Variants in XPO6 observed in about 807,000 individuals in gnomAD.
The protein encoded by XPO6 is exportin-6.
XPO6 carries 3 observed loss-of-function variants against 130.0 expected under a neutral mutation model. The observed-to-expected ratio is 0.02, with a 90% CI of 0.01 to 0.06. The LOEUF (loss-of-function observed/expected upper bound fraction) is 0.06, where lower values mean the gene tolerates loss of function less well. Ranked by LOEUF, XPO6 falls within the 10% of genes least tolerant of loss-of-function variation. XPO6 has a pLI of 1.00. For synonymous variants in XPO6, 524 were observed against 548.9 expected (o/e 0.95, Z 0.63); for missense variants, 970 against 1,393.0 (o/e 0.70, Z 4.83).
Position 28,173,375 on chromosome 16 carries a change from C to G in XPO6, c.405+2523G>C, listed in dbSNP as rs1311168083. ...CACAACTGGAAAGGATTTCAAAGAT[C>G]ACTTAGTCCAACCCTCTCATTTTAC... On this transcript the variant is annotated intron_variant, in intron 4 of 23. Transcript: ENST00000304658. Among the ~76,000 whole-genome samples the G allele has an allele frequency of 2.6e-5, 4 of 152,158 alleles. No individual in the cohort carries two copies. The East Asian group carries it at 7.7e-4, about 29-fold the overall frequency.
At chr16:28,138,554 A>G (rs1220614122) in intron 9 of XPO6, among the ~76,000 whole-genome samples, 1 of 152,114 alleles carries the variant, frequency 6.6e-6, no homozygotes, top group Non-Finnish European at 1.5e-5. Context: ...GTCATGTGGG[A>G]GGTGGAGAAA....
intron 18 of XPO6, among the ~76,000 whole-genome samples, chr16:28,107,296 G>A (rs1056975165): frequency 2.0e-5 from 3 of 152,216 alleles, no homozygotes; most frequent in Admixed American, 6.5e-5. Context: ...GCCTTCTCTT[G>A]TAGGTGCCAA....
At chr16:28,149,695 T>C (rs747928254) in intron 8 of XPO6, among the ~76,000 whole-genome samples, 21 of 152,166 alleles carry the variant, frequency 1.4e-4, no homozygotes, top group Non-Finnish European at 2.6e-4. Flanking sequence ...CCATCTAGGC[T>C]TGCGTAAGTG....
rs987685383 is a variant in XPO6 at position 28,181,089 on chromosome 16, C to T, written c.4-58G>A. ...CTGCATCTTCAGTTCCACTGTTCCT[C>T]AGTTCCTTCTAGGTCACATTCAACA... On this transcript the variant is annotated intron_variant, in intron 1 of 23. Coordinates refer to ENST00000304658, the MANE Select transcript of XPO6 (RefSeq NM_015171.4). 2.9e-6 allele frequency: 4 copies of T among 1,360,898 alleles called. No individual in the cohort carries two copies. In the African/African-American group the frequency reaches 5.8e-5, roughly 20 times the overall value. The allele number at this position is 1,360,898 out of a possible 1,614,324, so 84.3% of individuals were successfully genotyped here.
rs975577216 is a variant in XPO6 at position 28,167,293 on chromosome 16, T to C, written c.566-708A>G. The C allele has an allele frequency of 8.1e-6, 8 of 985,278 alleles. No individual in the cohort carries two copies. The African/African-American group carries it at 1.4e-4, about 17-fold the overall frequency. 61.0% of individuals were successfully genotyped at this position (985,278 alleles called of 1,614,324 possible). On this transcript the variant is annotated intron_variant, in intron 5 of 23. Transcript: ENST00000304658. The stretch of plus-strand genomic sequence containing the variant: ...TACGTGCATATCCCAAACTCAACTT[T>C]TCGTTCCCCACAAACCTGCCACCAA...
At chr16:28,189,500 G>C (rs543960634) in intron 1 of XPO6, among the ~76,000 whole-genome samples, 1 of 151,972 alleles carries the variant, frequency 6.6e-6, no homozygotes, top group Non-Finnish European at 1.5e-5. Context: ...ACTGTGATAG[G>C]ACAGCGTAAG....
intron 13 of XPO6, among the ~76,000 whole-genome samples, chr16:28,124,678 G>A (rs779434790): frequency 3.3e-5 from 5 of 152,202 alleles, no homozygotes; most frequent in Non-Finnish European, 7.3e-5. Flanking sequence ...TCAAAGTACA[G>A]AACAAAATGA....
At chr16:28,135,860 T>C (rs2141291600) in intron 9 of XPO6, among the ~76,000 whole-genome samples, 1 of 152,366 alleles carries the variant, frequency 6.6e-6, no homozygotes, top group East Asian at 1.9e-4. Flanking sequence ...ATTTATTTTC[T>C]ATGACTTATG....
In XPO6 at chr16:28,106,503, G is replaced by C. The variant is rs572520316; in HGVS notation, c.2498-6C>G. ...CAGCATCTCATCAGTCACATCTGAGGAAAGGGGCAGAGATATCGTCAGAGG... is the reference window on the plus strand; with the variant it reads ...CAGCATCTCATCAGTCACATCTGAGCAAAGGGGCAGAGATATCGTCAGAGG... On this transcript the variant is annotated splice_polypyrimidine_tract_variant and splice_region_variant and intron_variant, in intron 18 of 23. Coordinates refer to ENST00000304658, the MANE Select transcript of XPO6 (RefSeq NM_015171.4). This position sits in a 1 kb window ranked among gnomAD's most constrained non-coding sequence, Gnocchi z 4.2. The C allele has an allele frequency of 3.5e-5, 57 of 1,610,926 alleles. 1 individual carries two copies. The South Asian group carries it at 6.2e-4, about 17-fold the overall frequency.
chr16:28,133,710 A>T, intron 11 of XPO6, 131 bp downstream of exon 11: 1 of 784,054 alleles, frequency 1.3e-6, no homozygotes, highest in Non-Finnish European at 2.0e-6. Context: ...CACTTATGGT[A>T]ATTATTCTGT....
At chr16:28,144,658 G>T (rs2042952033) in intron 9 of XPO6, among the ~76,000 whole-genome samples, 1 of 152,212 alleles carries the variant, frequency 6.6e-6, no homozygotes, top group African/African-American at 2.4e-5. Flanking sequence ...CTCTGCAGTG[G>T]AGTCTCTCCT....
chr16:28,104,160 G>A (rs975842222), intron 21 of XPO6, among the ~76,000 whole-genome samples: 1 of 152,196 alleles, frequency 6.6e-6, no homozygotes, highest in African/African-American at 2.4e-5. Context: ...GAATCACAGT[G>A]CAGGTCTGGG....
intron 23 of XPO6, among the ~76,000 whole-genome samples, chr16:28,100,643 C>G (rs1024363990): frequency 8.5e-5 from 13 of 152,214 alleles, no homozygotes; most frequent in Middle Eastern, 3.2e-3. Flanking sequence ...CCCAAGAGGA[C>G]CAGGGAGAAA....
Position 28,132,689 on chromosome 16 carries a change from G to A in XPO6, c.1537-286C>T, listed in dbSNP as rs1246811946. Among the ~76,000 whole-genome samples the A allele has an allele frequency of 6.7e-6, 1 of 149,784 alleles. No homozygotes were observed. Among genetic ancestry groups the A allele is most frequent in the African/African-American group, 2.5e-5 (1 of 40,588 alleles). On this transcript the variant is annotated intron_variant, in intron 11 of 23. Transcript: ENST00000304658. The surrounding 1 kb of genome is among the most constrained non-coding windows in gnomAD (Gnocchi z 4.0). ...AAAAAAGCAAAGGACACTGTGGTAT[G>A]ACTCTTACGTTCCTAATAGAGGAGA...
rs774608081 is a variant in XPO6 at position 28,169,827 on chromosome 16, T to G, written c.488A>C (p.Asp163Ala). The change falls in exon 5 of 24, where the codon GAC becomes GCC. Residue 163 changes from aspartate (D) to alanine (A), a missense_variant. By Grantham distance (126) the Asp-to-Ala change is moderately radical. Coordinates refer to ENST00000304658, the MANE Select transcript of XPO6 (RefSeq NM_015171.4). ...CTCCTCCTTCCGAGCCACACTGAGG[T>G]CCTCACGGGGACAAGCCAGCTCTTC... is the stretch of plus-strand genomic sequence containing the variant. The part of the protein sequence containing the change: ...TSEELACPRE[D>A]LSVARKEELR... 4 of 1,614,030 alleles carry G rather than the reference T, an allele frequency of 2.5e-6. No homozygotes were observed. In the East Asian group the frequency reaches 8.9e-5, roughly 36 times the overall value.
At chr16:28,165,921 T>A (rs1489574917) in intron 6 of XPO6, among the ~76,000 whole-genome samples, 2 of 152,198 alleles carry the variant, frequency 1.3e-5, no homozygotes, top group African/African-American at 2.4e-5. Flanking sequence ...CACTCTGAAT[T>A]TTGAAGCAGA....
intron 12 of XPO6, chr16:28,126,496 T>C (rs1369003958): frequency 6.6e-6 from 1 of 152,280 alleles, no homozygotes; most frequent in Non-Finnish European, 1.5e-5. Context: ...AGCCTCAGTA[T>C]CACTATTACA....
At chr16:28,098,791 CAG>C (rs771371460) in intron 23 of XPO6, 152 bp from the exon 24 acceptor site, 3 of 555,190 alleles carry the variant, frequency 5.4e-6, no homozygotes, top group Non-Finnish European at 9.5e-6. Flanking sequence ...CTGCGTGTCA[CAG>C]AGACTCTGTG....
intron 23 of XPO6, among the ~76,000 whole-genome samples, chr16:28,100,339 T>C (rs1459991606): frequency 2.6e-5 from 4 of 152,188 alleles, no homozygotes; most frequent in Non-Finnish European, 4.4e-5. Flanking sequence ...TTGACTGATA[T>C]TGATGTCGTT....
Sources: gnomAD v4.1 joint callset for allele counts (sites outside exome capture counted in the v4.1 genomes callset) on GRCh38, gnomAD v4.1.1 for gene constraint, Gnocchi (gnomAD v3.1) non-coding constraint, MANE v1.5 for transcripts, NCBI Gene and HGNC (gene_info 2026-07-23, HGNC 2026-07-21) for gene names.